Variants in SUMF1 observed in about 807,000 individuals in gnomAD.
The protein encoded by SUMF1 is sulfatase modifying factor 1, also known as formylglycine-generating enzyme.
SUMF1 carries 48 observed loss-of-function variants against 47.6 expected under a neutral mutation model. The ratio of observed to expected loss-of-function variants is 1.01; its 90% CI spans 0.80 to 1.28. SUMF1 has a LOEUF of 1.28. SUMF1 is among the 50% of genes most tolerant of loss of function. The pLI is 0.00. For missense variants in SUMF1, 571 were observed against 485.4 expected (o/e 1.18, Z -1.66); for synonymous variants, 230 against 192.1 (o/e 1.20, Z -1.63).
intron 8 of SUMF1, among the ~76,000 whole-genome samples, chr3:4,074,758 G>A (rs1692381403): frequency 6.6e-6 from 1 of 151,870 alleles, no homozygotes. Flanking sequence ...ATAAAGTCCT[G>A]GATACAGACA....
At chr3:4,035,085 C>T (rs1391751370) in intron 9 of SUMF1, among the ~76,000 whole-genome samples, 1 of 152,006 alleles carries the variant, frequency 6.6e-6, no homozygotes, top group African/African-American at 2.4e-5. Flanking sequence ...AACAAAGGCA[C>T]TGATGGCCAT....
At chr3:4,360,227 T>C (rs1413722455), downstream of SUMF1, among the ~76,000 whole-genome samples, 5 of 141,686 alleles carry the variant, frequency 3.5e-5, no homozygotes, top group Non-Finnish European at 6.1e-5. Flanking sequence ...TTTTTTTGCC[T>C]GGGATTAATC....
intron 8 of SUMF1, chr3:4,303,425 G>A (rs993427764): frequency 1.9e-6 from 3 of 1,554,732 alleles, no homozygotes; most frequent in Non-Finnish European, 2.6e-6. Context: ...GGAGTTTAAG[G>A]AGAAGCCTGA....
intron 8 of SUMF1, among the ~76,000 whole-genome samples, chr3:4,269,061 C>T (rs1033825092): frequency 6.6e-6 from 1 of 151,854 alleles, no homozygotes; most frequent in African/African-American, 2.4e-5. Context: ...GTGAACATAC[C>T]TCTGGAAACA....
In SUMF1 at chr3:4,217,473, C is replaced by G. The variant is rs184103075; in HGVS notation, c.1015-148728G>C. ...GCACATGTATACCTATGTAACAAAA[C>G]TTCACGTTGTACACATGTATCCCAG... On this transcript the variant is annotated intron_variant and NMD_transcript_variant, in intron 8 of 12. Coordinates refer to the SUMF1 transcript ENST00000448413. Among the ~76,000 whole-genome samples, 755 of 103,386 alleles carry G rather than the reference C, an allele frequency of 7.3e-3. 12 individuals are homozygous for G. The highest frequency in any genetic ancestry group is 9.6e-3 in the Non-Finnish European group (471 of 49,234). 67.8% of individuals were successfully genotyped at this position (103,386 alleles called of 152,430 possible).
chr3:4,430,324 G>A (rs979867889), intron 3 of SUMF1, among the ~76,000 whole-genome samples: 37 of 152,092 alleles, frequency 2.4e-4, no homozygotes, highest in Admixed American at 1.6e-3. Context: ...CTTGAGTAAC[G>A]GGACAGATAG....
chr3:4,098,083 T>C (rs2125058955), intron 8 of SUMF1, among the ~76,000 whole-genome samples: 1 of 152,204 alleles, frequency 6.6e-6, no homozygotes, highest in Non-Finnish European at 1.5e-5. Context: ...CCTGTCAGGG[T>C]TGAGACTACA....
intron 8 of SUMF1, among the ~76,000 whole-genome samples, chr3:4,088,944 T>C (rs1559460956): frequency 1.3e-5 from 2 of 152,048 alleles, no homozygotes; most frequent in Non-Finnish European, 2.9e-5. Flanking sequence ...AATGTAGCAA[T>C]CTAGGTGGGA....
intron 8 of SUMF1, among the ~76,000 whole-genome samples, chr3:4,325,693 G>A (rs915943264): frequency 6.6e-6 from 1 of 152,036 alleles, no homozygotes; most frequent in Admixed American, 6.6e-5. Flanking sequence ...AGTCTGGAGG[G>A]CTTTAAGGAA....
At chr3:4,074,617 G>T (rs1692376819) in intron 8 of SUMF1, among the ~76,000 whole-genome samples, 1 of 151,820 alleles carries the variant, frequency 6.6e-6, no homozygotes, top group Non-Finnish European at 1.5e-5. Context: ...GAAGAAAAGA[G>T]AAGAATCAAA....
chr3:4,310,343 A>G (rs1016602961), intron 8 of SUMF1, among the ~76,000 whole-genome samples: 1 of 152,248 alleles, frequency 6.6e-6, no homozygotes, highest in African/African-American at 2.4e-5. Context: ...AAATTAGACT[A>G]AAAGTTTTCA....
At chr3:4,177,690 A>G (rs530974534) in intron 8 of SUMF1, among the ~76,000 whole-genome samples, 2 of 152,298 alleles carry the variant, frequency 1.3e-5, no homozygotes, top group South Asian at 4.1e-4. Context: ...AACTAAGATC[A>G]GAGCAGAAGT....
chr3:4,167,535 G>A (rs1694735998), intron 8 of SUMF1, among the ~76,000 whole-genome samples: 2 of 152,252 alleles, frequency 1.3e-5, no homozygotes, highest in Middle Eastern at 3.4e-3. Context: ...AGCACTGATA[G>A]GTGTGTTTTT....
chr3:4,317,180 A>C (rs1362246507), intron 8 of SUMF1: 25 of 1,550,318 alleles, frequency 1.6e-5, no homozygotes, highest in Non-Finnish European at 2.2e-5. Flanking sequence ...TTTACGCTAC[A>C]GGAATAAACC....
chr3:4,404,977 G>A (rs1414105742), intron 7 of SUMF1, among the ~76,000 whole-genome samples: 1 of 152,156 alleles, frequency 6.6e-6, no homozygotes, highest in African/African-American at 2.4e-5. Flanking sequence ...GTTTTTGCCA[G>A]ACTGAGAAAA....
At chr3:4,167,943 C>T (rs2125120674) in intron 8 of SUMF1, among the ~76,000 whole-genome samples, 1 of 152,240 alleles carries the variant, frequency 6.6e-6, no homozygotes, top group Admixed American at 6.5e-5. Flanking sequence ...TTGGAAAGCC[C>T]AGCATGAAGT....
At chr3:4,070,798 A>T (rs1350407075) in intron 8 of SUMF1, among the ~76,000 whole-genome samples, 2 of 151,566 alleles carry the variant, frequency 1.3e-5, no homozygotes, top group Non-Finnish European at 2.9e-5. Context: ...ACCACGCCTA[A>T]TTTTTTGCAT....
At position 4,364,332 on chromosome 3, in the gene SUMF1, C is replaced by T. The variant is rs1381210398; in HGVS notation, c.1015-2078G>A. ...TCCTCCTTGTACCTGTGGTAGAATT[C>T]GGCTGTGAATCCATCTGGTCCTGGA... On this transcript the variant is annotated intron_variant, in intron 8 of 8. Coordinates refer to ENST00000272902, the MANE Select transcript of SUMF1 (RefSeq NM_182760.4). Among the ~76,000 whole-genome samples the T allele has an allele frequency of 4.1e-5, 4 of 97,048 alleles. 1 individual carries two copies. Among genetic ancestry groups the T allele is most frequent in the Admixed American group, 3.6e-4 (3 of 8,396 alleles). The allele number at this position is 97,048 out of a possible 152,430, so 63.7% of individuals were successfully genotyped here.
At chr3:4,465,407 A>AG (rs2079916728) in intron 1 of SUMF1, among the ~76,000 whole-genome samples, 3 of 152,058 alleles carry the variant, frequency 2.0e-5, no homozygotes, top group Admixed American at 2.0e-4. Flanking sequence ...CGAACCCAGG[A>AG]GGTGGAGATT....
Sources: gnomAD v4.1 joint callset for allele counts (sites outside exome capture counted in the v4.1 genomes callset) on GRCh38, gnomAD v4.1.1 for gene constraint, MANE v1.5 for transcripts, NCBI Gene and HGNC (gene_info 2026-07-23, HGNC 2026-07-21) for gene names.